AGBL4: variants seen among roughly 807,000 people sequenced by gnomAD.
AGBL4 encodes AGBL carboxypeptidase 4.
In AGBL4, 58 loss-of-function variants were observed where a neutral mutation model predicts 66.4. That is an observed-to-expected ratio of 0.87 (90% CI 0.71 to 1.09). The LOEUF (loss-of-function observed/expected upper bound fraction) is 1.09, where lower values mean the gene tolerates loss of function less well. AGBL4 is among the 50% of genes least tolerant of loss of function. The probability of loss-of-function intolerance (pLI) is 0.00; values close to 1 mark genes in which losing one functional copy is unlikely to be tolerated. For missense variants in AGBL4, 579 were observed against 631.0 expected (o/e 0.92, Z 0.88); for synonymous variants, 234 against 222.9 (o/e 1.05, Z -0.44).
intron 5 of AGBL4, among the ~76,000 whole-genome samples, chr1:48,900,987 C>G (rs1652026317): frequency 1.3e-5 from 2 of 151,870 alleles, no homozygotes; most frequent in East Asian, 1.9e-4. Context: ...GGGCTTGAAT[C>G]TAGAATATGT....
intron 9 of AGBL4, among the ~76,000 whole-genome samples, chr1:48,603,136 G>T (rs1645099156): frequency 6.6e-6 from 1 of 152,214 alleles, no homozygotes; most frequent in African/African-American, 2.4e-5. Context: ...GGGAGCCTGT[G>T]GGCAAAAGCC....
intron 4 of AGBL4, among the ~76,000 whole-genome samples, chr1:49,057,572 C>A (rs988526109): frequency 6.6e-6 from 1 of 152,278 alleles, no homozygotes; most frequent in African/African-American, 2.4e-5. Context: ...TATCTCAAGA[C>A]CTTTGAACAC....
intron 5 of AGBL4, among the ~76,000 whole-genome samples, chr1:48,884,301 T>TCTTTG (rs149051065): frequency 6.6e-6 from 1 of 151,184 alleles, no homozygotes; most frequent in Non-Finnish European, 1.5e-5. Context: ...TTTGTTTGTT[T>TCTTTG]TTTTGTTTTG....
At chr1:49,588,702 G>A (rs548318699) in intron 3 of AGBL4, among the ~76,000 whole-genome samples, 2 of 152,216 alleles carry the variant, frequency 1.3e-5, no homozygotes, top group East Asian at 1.9e-4. Context: ...ATGGATTGAG[G>A]CACCTACATG....
intron 1 of AGBL4, among the ~76,000 whole-genome samples, chr1:49,896,608 AACACACACACACACACACAC>A (rs58132063): frequency 6.0e-5 from 8 of 133,802 alleles, no homozygotes; most frequent in African/African-American, 1.7e-4. Flanking sequence ...GACCCATGAA[AACACACACACACACACACAC>A]ACACACACAC....
At chr1:49,656,326 A>T (rs1646131463) in intron 3 of AGBL4, among the ~76,000 whole-genome samples, 1 of 152,118 alleles carries the variant, frequency 6.6e-6, no homozygotes, top group East Asian at 1.9e-4. Flanking sequence ...AATCTCTTAA[A>T]AGACCAATAA....
At chr1:49,825,226 T>G (rs1645479065) in intron 2 of AGBL4, among the ~76,000 whole-genome samples, 1 of 152,234 alleles carries the variant, frequency 6.6e-6, no homozygotes, top group Non-Finnish European at 1.5e-5. Context: ...TGTGATGTAT[T>G]TTAAAGCATA....
intron 5 of AGBL4, among the ~76,000 whole-genome samples, chr1:48,974,685 C>G (rs979711794): frequency 3.3e-5 from 5 of 152,076 alleles, no homozygotes; most frequent in Admixed American, 2.6e-4. Flanking sequence ...TTGGATGAAT[C>G]TTGGAGAATG....
At chr1:49,611,240 T>C (rs1645148772) in intron 3 of AGBL4, among the ~76,000 whole-genome samples, 1 of 152,130 alleles carries the variant, frequency 6.6e-6, no homozygotes, top group African/African-American at 2.4e-5. Flanking sequence ...AATTTGCTGA[T>C]TAAGTCCATA....
At chr1:48,697,268 G>GA (rs1233871594) in intron 6 of AGBL4, among the ~76,000 whole-genome samples, 1 of 152,162 alleles carries the variant, frequency 6.6e-6, no homozygotes, top group East Asian at 1.9e-4. Context: ...AGGAAGGAAT[G>GA]AAAATGCCCC....
At chr1:48,534,376 C>T (rs1643936065) in intron 13 of AGBL4, 83 bp from the exon 14 acceptor site, 3 of 1,460,600 alleles carry the variant, frequency 2.1e-6, no homozygotes, top group African/African-American at 1.4e-5. Context: ...TGTCTATCTT[C>T]CCCACTGGAC....
At chr1:48,648,058 TAC>T (rs1645866668) in intron 8 of AGBL4, among the ~76,000 whole-genome samples, 1 of 152,192 alleles carries the variant, frequency 6.6e-6, no homozygotes, top group Middle Eastern at 3.2e-3. Flanking sequence ...CGGTGGTAAA[TAC>T]ACATAACATA....
chr1:49,233,653 T>G (rs894156142), intron 4 of AGBL4, among the ~76,000 whole-genome samples: 1 of 152,198 alleles, frequency 6.6e-6, no homozygotes, highest in African/African-American at 2.4e-5. Flanking sequence ...GTAAGCTAAG[T>G]GCCATAAAAA....
intron 4 of AGBL4, among the ~76,000 whole-genome samples, chr1:49,234,928 A>G (rs904590890): frequency 6.6e-6 from 1 of 152,118 alleles, no homozygotes; most frequent in East Asian, 1.9e-4. Flanking sequence ...TGGTTTCTTC[A>G]CCTGTAAAAT....
At chr1:48,545,509 C>T (rs905398869) in intron 11 of AGBL4, among the ~76,000 whole-genome samples, 1 of 152,138 alleles carries the variant, frequency 6.6e-6, no homozygotes, top group African/African-American at 2.4e-5. Context: ...CAATAATTCT[C>T]TTGGCTGGAA....
chr1:48,601,192 G>A (rs1645068544), intron 9 of AGBL4, among the ~76,000 whole-genome samples: 1 of 152,164 alleles, frequency 6.6e-6, no homozygotes, highest in African/African-American at 2.4e-5. Context: ...TCAAGTGTTA[G>A]TTTCACCATG....
intron 4 of AGBL4, among the ~76,000 whole-genome samples, chr1:49,124,921 A>C (rs1645734603): frequency 6.6e-6 from 1 of 152,220 alleles, no homozygotes; most frequent in Non-Finnish European, 1.5e-5. Flanking sequence ...GGTGCCTGCC[A>C]GGGCTCAAAG....
chr1:49,526,017 T>C (rs914561178), intron 3 of AGBL4, among the ~76,000 whole-genome samples: 4 of 151,346 alleles, frequency 2.6e-5, no homozygotes, highest in Non-Finnish European at 2.9e-5. Flanking sequence ...GCGTGAACCC[T>C]GGGAGGTGGA....
At chr1:49,258,700 G>A (rs1429790023) in intron 3 of AGBL4, among the ~76,000 whole-genome samples, 6 of 152,158 alleles carry the variant, frequency 3.9e-5, no homozygotes, top group Admixed American at 6.5e-5. Context: ...TGAAAGTGAC[G>A]GGGAGAATGG....
Sources: allele counts gnomAD v4.1 joint callset (sites outside exome capture counted in the v4.1 genomes callset), GRCh38; gene constraint gnomAD v4.1.1; transcripts MANE v1.5; gene names NCBI Gene and HGNC (gene_info 2026-07-23, HGNC 2026-07-21).